The following WWTR1 variants were observed in gnomAD, a reference collection of about 807,000 sequenced individuals.
The protein encoded by WWTR1 is WW domain-containing transcription regulator protein 1.
A neutral mutation model predicts 40.1 loss-of-function variants in WWTR1; 13 were observed. The observed-to-expected ratio is 0.32, with a 90% CI of 0.21 to 0.52. The LOEUF (loss-of-function observed/expected upper bound fraction) is 0.52. Among genes scored for constraint, WWTR1 ranks in the 20% least tolerant of loss-of-function variants. The pLI is 0.97. For synonymous variants in WWTR1, 230 were observed against 210.1 expected (o/e 1.09, Z -0.82); for missense variants, 436 against 523.1 (o/e 0.83, Z 1.63).
At chr3:149,696,112 C>CAAAAAA (rs368629673) in intron 1 of WWTR1, among the ~76,000 whole-genome samples, 2 of 77,126 alleles carry the variant, frequency 2.6e-5, no homozygotes, top group African/African-American at 5.5e-5. Flanking sequence ...GACTCTGTCT[C>CAAAAAA]AAAAAAAAAA....
chr3:149,538,557 C>T (rs1238540477), intron 4 of WWTR1, among the ~76,000 whole-genome samples: 1 of 152,188 alleles, frequency 6.6e-6, no homozygotes, highest in African/African-American at 2.4e-5. Flanking sequence ...CTACACCAGC[C>T]AATGCTAGAT....
chr3:149,664,658 G>A (rs1713729648), intron 2 of WWTR1, among the ~76,000 whole-genome samples: 3 of 149,722 alleles, frequency 2.0e-5, no homozygotes, highest in Middle Eastern at 3.5e-3. Context: ...GCGCCATCTC[G>A]GCTCACCGCA....
At chr3:149,564,615 C>T (rs1329236240) in intron 3 of WWTR1, among the ~76,000 whole-genome samples, 1 of 151,684 alleles carries the variant, frequency 6.6e-6, no homozygotes, top group African/African-American at 2.4e-5. Flanking sequence ...AAATACATAA[C>T]TGACTTACTC....
upstream of WWTR1, chr3:149,703,348 G>A (rs1177626190): frequency 1.3e-5 from 2 of 152,124 alleles, no homozygotes; most frequent in Admixed American, 6.5e-5. Flanking sequence ...CATAAAAGGT[G>A]ATGAACAACC....
chr3:149,602,239 C>T (rs549309787), intron 2 of WWTR1, among the ~76,000 whole-genome samples: 137 of 152,242 alleles, frequency 9.0e-4, no homozygotes, highest in Non-Finnish European at 1.5e-3. Flanking sequence ...GTAGAATTTT[C>T]CGTCTGCAGA....
chr3:149,528,580 C>CCA (rs1235052203), intron 4 of WWTR1, among the ~76,000 whole-genome samples: 1 of 151,894 alleles, frequency 6.6e-6, no homozygotes, highest in Admixed American at 6.6e-5. Context: ...TCACTGGAGC[C>CCA]CACAAGTTCG....
At chr3:149,719,924 T>C (rs549477184) in intron 4 of WWTR1, among the ~76,000 whole-genome samples, 2 of 152,340 alleles carry the variant, frequency 1.3e-5, no homozygotes, top group South Asian at 4.1e-4. Flanking sequence ...TGGAGAAGTA[T>C]CAAATATCTA....
chr3:149,574,021 C>A (rs1737767773), intron 2 of WWTR1, among the ~76,000 whole-genome samples: 1 of 151,798 alleles, frequency 6.6e-6, no homozygotes, highest in African/African-American at 2.4e-5. Context: ...TCTTCCTTCT[C>A]CTCCTTCTCC....
At chr3:149,525,917 T>C in intron 6 of WWTR1, 96 bp downstream of exon 6, 3 of 699,136 alleles carry the variant, frequency 4.3e-6, no homozygotes, top group Non-Finnish European at 6.4e-6. Context: ...GTTGAAATTA[T>C]AAAAATAAAA....
chr3:149,678,903 T>C (rs1714363731), intron 1 of WWTR1, among the ~76,000 whole-genome samples: 1 of 151,518 alleles, frequency 6.6e-6, no homozygotes, highest in Non-Finnish European at 1.5e-5. Context: ...TGATCTCGGC[T>C]CACTGCAACC....
chr3:149,565,408 T>A (rs1737268494), intron 3 of WWTR1, among the ~76,000 whole-genome samples: 1 of 152,026 alleles, frequency 6.6e-6, no homozygotes, highest in African/African-American at 2.4e-5. Context: ...AAATTTCATA[T>A]AATAAAACCT....
At chr3:149,620,190 C>T (rs919333324) in intron 2 of WWTR1, among the ~76,000 whole-genome samples, 2 of 152,182 alleles carry the variant, frequency 1.3e-5, no homozygotes, top group Non-Finnish European at 2.9e-5. Flanking sequence ...TTAACCACTA[C>T]ACCAGATTGC....
At chr3:149,654,592 C>G (rs1268295760) in intron 2 of WWTR1, among the ~76,000 whole-genome samples, 1 of 152,136 alleles carries the variant, frequency 6.6e-6, no homozygotes, top group African/African-American at 2.4e-5. Context: ...TCTCTAAATC[C>G]AAGGCTAACT....
At chr3:149,662,094 T>G (rs1458223464), upstream of WWTR1, among the ~76,000 whole-genome samples, 1 of 152,212 alleles carries the variant, frequency 6.6e-6, no homozygotes, top group Non-Finnish European at 1.5e-5. Context: ...ATGGCTGTTT[T>G]GTTTCATGGA....
intron 1 of WWTR1, among the ~76,000 whole-genome samples, chr3:149,674,023 C>T (rs1011902580): frequency 2.9e-5 from 4 of 139,208 alleles, no homozygotes; most frequent in African/African-American, 5.3e-5. Flanking sequence ...AGTAGAAGAC[C>T]GGCCTAGGCA....
At chr3:149,548,803 C>T (rs1736482646) in intron 3 of WWTR1, among the ~76,000 whole-genome samples, 1 of 152,192 alleles carries the variant, frequency 6.6e-6, no homozygotes, top group African/African-American at 2.4e-5. Flanking sequence ...GGAGGTATCT[C>T]TACTCTTGGC....
intron 1 of WWTR1, among the ~76,000 whole-genome samples, chr3:149,688,988 A>G (rs13064341): frequency 0.096 from 14,626 of 152,270 alleles, 917 homozygotes; most frequent in African/African-American, 0.17. Flanking sequence ...TGGAGCTGAA[A>G]AATTCAGTTG....
At chr3:149,525,395 A>C (rs900451046) in intron 6 of WWTR1, among the ~76,000 whole-genome samples, 1 of 152,060 alleles carries the variant, frequency 6.6e-6, no homozygotes, top group Non-Finnish European at 1.5e-5. Context: ...GCAAACAAAC[A>C]GTGGTGTCTT....
At position 149,566,307 on chromosome 3, in the gene WWTR1, A is replaced by G. The variant is rs375761563; in HGVS notation, c.568+6557T>C. Among the ~76,000 whole-genome samples, 4 of 152,218 alleles carry G rather than the reference A, an allele frequency of 2.6e-5. No homozygotes were observed. In the East Asian group the frequency reaches 7.7e-4, roughly 29 times the overall value. On this transcript the variant is annotated intron_variant, in intron 3 of 6. Coordinates refer to ENST00000360632, the MANE Select transcript of WWTR1 (RefSeq NM_015472.6). ...TGTTCCTTTTCTTCCATAAACACAA[A>G]CTTTCCACCACAACAATCCTACAAC...
Sources: gnomAD v4.1 joint callset for allele counts (sites outside exome capture counted in the v4.1 genomes callset) on GRCh38, gnomAD v4.1.1 for gene constraint, MANE v1.5 for transcripts, NCBI Gene and HGNC (gene_info 2026-07-23, HGNC 2026-07-21) for gene names.